Variants in TMPRSS15 observed in about 807,000 individuals in gnomAD.
TMPRSS15 encodes the protein enteropeptidase.
TMPRSS15 carries 128 observed loss-of-function variants against 125.3 expected under a neutral mutation model. That is an observed-to-expected ratio of 1.02 (90% confidence interval 0.89 to 1.18). The LOEUF (loss-of-function observed/expected upper bound fraction) is 1.18, where lower values mean the gene tolerates loss of function less well. TMPRSS15 is among the 50% of genes most tolerant of loss of function. The pLI is 0.00. For missense variants in TMPRSS15, 1,283 were observed against 1,212.7 expected (o/e 1.06, Z -0.86); for synonymous variants, 446 against 423.2 (o/e 1.05, Z -0.66).
chr21:18,309,762 C>A (rs1425517183), intron 18 of TMPRSS15, among the ~76,000 whole-genome samples: 1 of 151,958 alleles, frequency 6.6e-6, no homozygotes, highest in Non-Finnish European at 1.5e-5. Context: ...CGGTGATCAT[C>A]AAAAAGTCAG....
At chr21:18,427,263 C>A (rs912705591) in intron 1 of TMPRSS15, among the ~76,000 whole-genome samples, 14 of 152,192 alleles carry the variant, frequency 9.2e-5, no homozygotes, top group African/African-American at 3.4e-4. Flanking sequence ...TCTTTGCCAA[C>A]AGAGCCCCAG....
intron 1 of TMPRSS15, among the ~76,000 whole-genome samples, chr21:18,420,518 C>G (rs2076190079): frequency 6.6e-6 from 1 of 152,136 alleles, no homozygotes; most frequent in Non-Finnish European, 1.5e-5. Context: ...TTAGTAAAAC[C>G]TGCATGTTAC....
intron 21 of TMPRSS15, among the ~76,000 whole-genome samples, chr21:18,293,895 C>A (rs1159068963): frequency 6.6e-6 from 1 of 152,052 alleles, no homozygotes; most frequent in Admixed American, 6.6e-5. Context: ...AATTTGCTAG[C>A]AATAAATATT....
chr21:18,373,820 C>T (rs2075815174), intron 5 of TMPRSS15, among the ~76,000 whole-genome samples: 1 of 152,124 alleles, frequency 6.6e-6, no homozygotes, highest in African/African-American at 2.4e-5. Context: ...GCAAGTCATA[C>T]CACTTGGACT....
In TMPRSS15 at chr21:18,365,163, A is replaced by C; in HGVS notation, c.750T>G (p.Ser250Arg). Residue 250 changes from serine (S) to arginine (R), a missense_variant, in exon 7 of 25, where the codon AGT (serine) becomes AGG (arginine). Ser to Arg is a moderately radical substitution (Grantham distance 110). Transcript: ENST00000284885. ...ATHYPKPSETSVVCQWIIRVN... is the reference protein window; with the variant it reads ...ATHYPKPSETRVVCQWIIRVN... ...ACCGTATGATCCACTGGCAGACAAC[A>C]CTTGTTTCAGAAGGTTTTGGATAAT... is the stretch of plus-strand genomic sequence containing the variant. 2 of 1,614,100 alleles carry C rather than the reference A, an allele frequency of 1.2e-6. No homozygotes were observed. The highest frequency in any genetic ancestry group is 1.7e-6 in the Non-Finnish European group (2 of 1,179,964).
At chr21:18,483,426 G>A (rs1464942909) in intron 1 of TMPRSS15, among the ~76,000 whole-genome samples, 4 of 151,644 alleles carry the variant, frequency 2.6e-5, no homozygotes, top group South Asian at 2.1e-4. Context: ...TTAGAGTTTC[G>A]GTTTTAACAT....
intron 1 of TMPRSS15, among the ~76,000 whole-genome samples, chr21:18,418,821 C>T (rs1601456134): frequency 1.3e-5 from 2 of 152,192 alleles, no homozygotes; most frequent in African/African-American, 4.8e-5. Context: ...GTGACAATGG[C>T]TGTTGATTCA....
chr21:18,305,431 G>A (rs746609988), intron 18 of TMPRSS15, among the ~76,000 whole-genome samples: 4 of 151,898 alleles, frequency 2.6e-5, no homozygotes, highest in Admixed American at 6.6e-5. Flanking sequence ...CTCGTGATCC[G>A]CCCTTCTCGG....
rs1381449777 is a variant in TMPRSS15, at chr21:18,413,297, C to CTT, written c.11-14970_11-14969dup. ...CTTTTTCTTTTTCTTTCTTTCTTTT[C>CTT]TTTCTTTTCTTTCTTTTCCTTCCTT... On this transcript the variant is annotated intron_variant, in intron 1 of 7. Transcript: ENST00000422787. Among the ~76,000 whole-genome samples, 2 of 90,204 alleles carry CTT rather than the reference C, an allele frequency of 2.2e-5. 1 individual carries two copies. Among genetic ancestry groups the CTT allele is most frequent in the Admixed American group, 2.8e-4 (2 of 7,262 alleles). 59.2% of individuals were successfully genotyped at this position (90,204 alleles called of 152,430 possible).
intron 24 of TMPRSS15, among the ~76,000 whole-genome samples, chr21:18,271,970 G>T (rs1254992193): frequency 6.6e-6 from 1 of 151,338 alleles, no homozygotes; most frequent in African/African-American, 2.5e-5. Flanking sequence ...TCTTTATTCA[G>T]TCTATCATTG....
intron 14 of TMPRSS15, among the ~76,000 whole-genome samples, chr21:18,329,627 A>G (rs2075325476): frequency 6.6e-6 from 1 of 151,472 alleles, no homozygotes; most frequent in Non-Finnish European, 1.5e-5. Flanking sequence ...AAGGATACTA[A>G]AATTATAGTT....
intron 7 of TMPRSS15, 28 bp from the exon 8 acceptor site, chr21:18,359,891 C>A (rs765723318): frequency 3.6e-6 from 4 of 1,105,642 alleles, no homozygotes; most frequent in South Asian, 2.5e-5. Flanking sequence ...AATAGATTAC[C>A]AAATTTTTAA....
chr21:18,429,317 G>A (rs2076211282), intron 1 of TMPRSS15, among the ~76,000 whole-genome samples: 1 of 152,128 alleles, frequency 6.6e-6, no homozygotes, highest in African/African-American at 2.4e-5. Flanking sequence ...ATGCTGTAAT[G>A]AGCTAAGACT....
chr21:18,317,374 T>C (rs1204662611), intron 16 of TMPRSS15, among the ~76,000 whole-genome samples: 1 of 149,262 alleles, frequency 6.7e-6, no homozygotes, highest in Non-Finnish European at 1.5e-5. Context: ...ATTTTCAGCT[T>C]TTTAATAAAA....
intron 18 of TMPRSS15, among the ~76,000 whole-genome samples, chr21:18,305,125 C>T (rs1601304886): frequency 6.7e-6 from 1 of 149,938 alleles, no homozygotes; most frequent in African/African-American, 2.5e-5. Context: ...CTGGGCCTTA[C>T]GCTAGACTTT....
At chr21:18,327,933 A>G (rs2075309180) in intron 15 of TMPRSS15, among the ~76,000 whole-genome samples, 1 of 152,014 alleles carries the variant, frequency 6.6e-6, no homozygotes, top group African/African-American at 2.4e-5. Flanking sequence ...GGCGCCTGTA[A>G]TCCAATCTAC....
chr21:18,370,959 A>T (rs1440843240), intron 6 of TMPRSS15, among the ~76,000 whole-genome samples: 3 of 152,172 alleles, frequency 2.0e-5, no homozygotes, highest in Non-Finnish European at 4.4e-5. Context: ...TTTGGGCACT[A>T]ACTGTATTTA....
At chr21:18,435,211 T>G (rs1447294064) in intron 1 of TMPRSS15, among the ~76,000 whole-genome samples, 1 of 152,156 alleles carries the variant, frequency 6.6e-6, no homozygotes, top group Non-Finnish European at 1.5e-5. Context: ...CTTGTGCCAG[T>G]TTTCAAAGGG....
intron 16 of TMPRSS15, among the ~76,000 whole-genome samples, chr21:18,317,159 G>A (rs2075175854): frequency 6.6e-6 from 1 of 151,950 alleles, no homozygotes; most frequent in Admixed American, 6.6e-5. Flanking sequence ...AATATCCATG[G>A]AGACTTTCTG....
Sources: allele counts gnomAD v4.1 joint callset (sites outside exome capture counted in the v4.1 genomes callset), GRCh38; gene constraint gnomAD v4.1.1; transcripts MANE v1.5; gene names NCBI Gene and HGNC (gene_info 2026-07-23, HGNC 2026-07-21).